LONP2: variants seen among roughly 807,000 people sequenced by gnomAD.
The protein encoded by LONP2 is lon peptidase 2, peroxisomal.
LONP2 carries 60 observed loss-of-function variants against 85.6 expected under a neutral mutation model. The ratio of observed to expected loss-of-function variants is 0.70; its 90% CI spans 0.57 to 0.87. The LOEUF (loss-of-function observed/expected upper bound fraction) is 0.87, where lower values mean the gene tolerates loss of function less well. LONP2 is among the 40% of genes least tolerant of loss of function. The pLI, the probability that LONP2 is intolerant of heterozygous loss-of-function variation, is 0.00. For missense variants in LONP2, 860 were observed against 1,063.5 expected, an observed-to-expected ratio of 0.81 and a Z score of 2.66; for synonymous variants, 395 against 389.7, an observed-to-expected ratio of 1.01 and a Z score of -0.16.
At chr16:48,279,435 G>A (rs1372577554) in intron 8 of LONP2, among the ~76,000 whole-genome samples, 9 of 152,066 alleles carry the variant, frequency 5.9e-5, no homozygotes, top group Non-Finnish European at 1.5e-5. Flanking sequence ...CCTGTCTCTT[G>A]CCTTGAGAAT....
intron 8 of LONP2, among the ~76,000 whole-genome samples, chr16:48,279,077 C>G (rs1295820788): frequency 6.6e-6 from 1 of 151,932 alleles, no homozygotes; most frequent in African/African-American, 2.4e-5. Flanking sequence ...GAGAAAGATA[C>G]TTATAGATAT....
At chr16:48,249,469 C>A (rs570343568) in intron 1 of LONP2, among the ~76,000 whole-genome samples, 1 of 152,180 alleles carries the variant, frequency 6.6e-6, no homozygotes, top group African/African-American at 2.4e-5. Flanking sequence ...ATATATAAAA[C>A]CTGGGGCCCA....
At chr16:48,297,139 C>T (rs1046512363) in intron 9 of LONP2, among the ~76,000 whole-genome samples, 1 of 151,890 alleles carries the variant, frequency 6.6e-6, no homozygotes, top group Non-Finnish European at 1.5e-5. Context: ...TCCCAAGTAG[C>T]TGAGATTACA....
At chr16:48,278,358 C>T (rs944106002) in intron 8 of LONP2, among the ~76,000 whole-genome samples, 1 of 152,130 alleles carries the variant, frequency 6.6e-6, no homozygotes, top group Non-Finnish European at 1.5e-5. Context: ...CTCCCTTCAC[C>T]TCTCACCATG....
At chr16:48,301,810 T>C (rs1261035561) in intron 10 of LONP2, among the ~76,000 whole-genome samples, 1 of 152,232 alleles carries the variant, frequency 6.6e-6, no homozygotes, top group East Asian at 1.9e-4. Context: ...TGTACAGCCC[T>C]TCTGACATTA....
intron 7 of LONP2, among the ~76,000 whole-genome samples, chr16:48,271,576 T>TA (rs1179725475): frequency 1.3e-5 from 2 of 152,148 alleles, no homozygotes; most frequent in Non-Finnish European, 2.9e-5. Context: ...TTAAAATTCT[T>TA]ACGCATTTAA....
intron 7 of LONP2, 25 bp downstream of exon 7, chr16:48,270,299 C>G: frequency 4.4e-6 from 7 of 1,607,254 alleles, no homozygotes; most frequent in Non-Finnish European, 5.1e-6. Context: ...TCAGTTTAAT[C>G]TCTGATTCCT....
At chr16:48,256,108 G>T (rs1035546208) in intron 2 of LONP2, among the ~76,000 whole-genome samples, 1 of 152,022 alleles carries the variant, frequency 6.6e-6, no homozygotes, top group Non-Finnish European at 1.5e-5. Context: ...TAAGAACAAG[G>T]GTCCTTAATC....
chr16:48,361,549 A>C (rs374506931), downstream of LONP2: 4 of 1,603,848 alleles, frequency 2.5e-6, no homozygotes, highest in Middle Eastern at 1.7e-4. Context: ...TGAAGTTTTA[A>C]ACACTGGCCA....
chr16:48,271,908 A>G (rs1439018282), intron 7 of LONP2, among the ~76,000 whole-genome samples: 1 of 152,158 alleles, frequency 6.6e-6, no homozygotes, highest in Non-Finnish European at 1.5e-5. Flanking sequence ...TTCGTAAAGG[A>G]ATTGGCATTT....
chr16:48,246,832 T>C (rs1233560646), intron 1 of LONP2, among the ~76,000 whole-genome samples: 1 of 152,114 alleles, frequency 6.6e-6, no homozygotes, highest in Non-Finnish European at 1.5e-5. Flanking sequence ...CTTTGGCCTC[T>C]GGAGTAGCTG....
At chr16:48,266,330 T>G (rs1482153747) in intron 6 of LONP2, among the ~76,000 whole-genome samples, 2 of 147,898 alleles carry the variant, frequency 1.4e-5, no homozygotes, top group East Asian at 1.9e-4. Flanking sequence ...GAGAAAGGTT[T>G]TTTTTTTTTT....
Position 48,351,722 on chromosome 16 carries a change from C to T in LONP2, c.2479C>T (p.Leu827=). 1 of 1,614,132 alleles carries T rather than the reference C, an allele frequency of 6.2e-7. No individual in the cohort carries two copies. Among genetic ancestry groups the T allele is most frequent in the South Asian group, 1.1e-5 (1 of 91,088 alleles). The change falls in exon 15 of 15, where the codon CTG becomes TTG. Residue 827 remains leucine (L), a synonymous_variant. Transcript: ENST00000285737. ...QDLSFVTASC[L]DEVLNAAFDG... is the part of the protein sequence containing the mutation. ...TTTAAGTTTTGTCACAGCAAGCTGC[C>T]TGGATGAGGTTCTTAATGCAGCTTT...
Position 48,270,124 on chromosome 16 carries a change from A to G in LONP2, c.1091A>G (p.Asn364Ser). 1 of 1,614,086 alleles carries G rather than the reference A, an allele frequency of 6.2e-7. No homozygotes were observed. Among genetic ancestry groups the G allele is most frequent in the Non-Finnish European group, 8.5e-7 (1 of 1,179,988 alleles). ...TACTTGGCTGTCAGACAGCTCAAAA[A>G]TAACCTGAAGGGCCCAATCCTATGC... Reference protein sequence around the residue: ...LEYLAVRQLKNNLKGPILCFV... With the variant: ...LEYLAVRQLKSNLKGPILCFV... Residue 364 changes from asparagine to serine, a missense_variant, in exon 7 of 15, where the codon AAT becomes AGT. By Grantham distance (46) the Asn-to-Ser change is conservative. Coordinates refer to ENST00000285737, the MANE Select transcript of LONP2 (RefSeq NM_031490.5).
In LONP2 at chr16:48,357,137, A is replaced by G. The variant is rs1440837743; in HGVS notation, c.*5335A>G. 6.6e-6 allele frequency: 1 copy of G among 152,252 alleles called. No individual in the cohort carries two copies. Among genetic ancestry groups the G allele is most frequent in the East Asian group, 1.9e-4 (1 of 5,202 alleles). 9.4% of individuals were successfully genotyped at this position (152,252 alleles called of 1,614,324 possible). A position where few individuals can be genotyped will look rare whatever the true frequency, so the allele number is the denominator to read the frequency against. ...CTTTATAGCACATCTAGCCTTCCTC[A>G]TTCCCTTACGCAGTGGACATCATAC... On this transcript the variant is annotated 3_prime_UTR_variant, in exon 15 of 15. Coordinates refer to ENST00000285737, the MANE Select transcript of LONP2 (RefSeq NM_031490.5).
intron 12 of LONP2, among the ~76,000 whole-genome samples, chr16:48,343,306 C>G (rs1391912804): frequency 6.6e-6 from 1 of 152,130 alleles, no homozygotes; most frequent in Non-Finnish European, 1.5e-5. Flanking sequence ...CAATTTCAAT[C>G]AAATATCACT....
intron 2 of LONP2, among the ~76,000 whole-genome samples, chr16:48,256,304 A>C (rs568860889): frequency 2.4e-4 from 37 of 152,362 alleles, no homozygotes; most frequent in African/African-American, 7.5e-4. Flanking sequence ...TGATTCTTGC[A>C]ACTTTTTTGT....
At chr16:48,323,702 A>G (rs914044975) in intron 11 of LONP2, among the ~76,000 whole-genome samples, 3 of 152,070 alleles carry the variant, frequency 2.0e-5, no homozygotes, top group Admixed American at 1.3e-4. Flanking sequence ...CCTCACAGTC[A>G]TAACTTCCAT....
intron 14 of LONP2, among the ~76,000 whole-genome samples, chr16:48,351,213 T>G (rs138354384): frequency 9.6e-4 from 146 of 152,282 alleles, no homozygotes; most frequent in Non-Finnish European, 1.7e-3. Flanking sequence ...GGAGCGGCGC[T>G]CATGGTCAGA....
Sources: allele counts gnomAD v4.1 joint callset (sites outside exome capture counted in the v4.1 genomes callset), GRCh38; gene constraint gnomAD v4.1.1; transcripts MANE v1.5; gene names NCBI Gene and HGNC (gene_info 2026-07-23, HGNC 2026-07-21).